PLA2G4C: variants seen among roughly 807,000 people sequenced by gnomAD.
PLA2G4C encodes the protein phospholipase A2 group IVC.
In PLA2G4C, 64 loss-of-function variants were observed where a neutral mutation model predicts 73.8. The ratio of observed to expected loss-of-function variants is 0.87; its 90% CI spans 0.71 to 1.07. The LOEUF is 1.07. Among genes scored for constraint, PLA2G4C ranks in the 50% least tolerant of loss-of-function variants. The pLI is 0.00. For missense variants in PLA2G4C, 622 were observed against 665.4 expected, an observed-to-expected ratio of 0.93 and a Z score of 0.72; for synonymous variants, 254 against 252.1, an observed-to-expected ratio of 1.01 and a Z score of -0.07.
Position 48,110,544 on chromosome 19 carries a change from G to GGTGCGGAGGCTTGGGCTCCGGAATCCC in PLA2G4C, c.-91_-90insGGGATTCCGGAGCCCAAGCCTCCGCAC. ...CGGTGGAGCTTGTGCTCCGGAATCCGGTGCGGAGGCTTGGGCTCCCTGCGC... is the reference window on the plus strand; with the variant it reads ...CGGTGGAGCTTGTGCTCCGGAATCCGGTGCGGAGGCTTGGGCTCCGGAATCCCGTGCGGAGGCTTGGGCTCCCTGCGC... On this transcript the variant is annotated 5_prime_UTR_variant, in exon 1 of 17. Transcript: ENST00000599921. 2.6e-6 allele frequency: 4 copies of GGTGCGGAGGCTTGGGCTCCGGAATCCC among 1,529,654 alleles called. No homozygotes were observed. Among genetic ancestry groups the GGTGCGGAGGCTTGGGCTCCGGAATCCC allele is most frequent in the Non-Finnish European group, 3.5e-6 (4 of 1,141,302 alleles). 94.8% of individuals were successfully genotyped at this position (1,529,654 alleles called of 1,614,324 possible).
intron 10 of PLA2G4C, 66 bp from the exon 11 acceptor site, chr19:48,077,890 T>G: frequency 7.7e-7 from 1 of 1,305,946 alleles, no homozygotes; most frequent in Non-Finnish European, 1.1e-6. Context: ...AAATACAGAT[T>G]ACCTGCAGCG....
intron 2 of PLA2G4C, among the ~76,000 whole-genome samples, chr19:48,105,790 C>A (rs13344824): frequency 0.12 from 10,994 of 90,952 alleles, 1,851 homozygotes; most frequent in African/African-American, 0.42. Flanking sequence ...TGACATACCT[C>A]CCTCCCTCCC....
At chr19:48,084,339 CA>C (rs1306902701) in intron 10 of PLA2G4C, among the ~76,000 whole-genome samples, 1 of 151,840 alleles carries the variant, frequency 6.6e-6, no homozygotes, top group African/African-American at 2.4e-5. Flanking sequence ...GGATTACAGG[CA>C]TGAGCCACTG....
chr19:48,110,569 C>T lies in PLA2G4C; in HGVS notation c.-115G>A, dbSNP rs998613295. ...GGTGCGGAGGCTTGGGCTCCCTGCG[C>T]TTAGCGGTGTAGTCGCTGGACAGCT... is the stretch of plus-strand genomic sequence containing the variant. On this transcript the variant is annotated 5_prime_UTR_variant, in exon 1 of 17. Coordinates refer to ENST00000599921, the MANE Select transcript of PLA2G4C (RefSeq NM_003706.3). 18 of 1,454,358 alleles carry T rather than the reference C, an allele frequency of 1.2e-5. No individual in the cohort carries two copies. Among genetic ancestry groups the T allele is most frequent in the Non-Finnish European group, 1.5e-5 (16 of 1,093,134 alleles). 90.1% of individuals were successfully genotyped at this position (1,454,358 alleles called of 1,614,324 possible). A position where few individuals can be genotyped will look rare whatever the true frequency, so the allele number is the denominator to read the frequency against.
At chr19:48,070,324 T>C (rs1184464987) in intron 12 of PLA2G4C, among the ~76,000 whole-genome samples, 1 of 152,204 alleles carries the variant, frequency 6.6e-6, no homozygotes, top group African/African-American at 2.4e-5. Flanking sequence ...AAGAAGATTA[T>C]TCTCAGTAAT....
intron 4 of PLA2G4C, among the ~76,000 whole-genome samples, chr19:48,101,147 A>G (rs937653176): frequency 1.6e-4 from 18 of 109,530 alleles, no homozygotes; most frequent in Non-Finnish European, 2.2e-4. Flanking sequence ...TTTTTTTGAG[A>G]CAGGTCTTGC....
rs1438838732 is a variant in PLA2G4C, at chr19:48,053,361, T to TTC, written c.1430-215_1430-214insGA. On this transcript the variant is annotated intron_variant, in intron 15 of 16. Coordinates refer to ENST00000599921, the MANE Select transcript of PLA2G4C (RefSeq NM_003706.3). ...TGATCCATGCCCCTTCCGGTCCTTT[T>TTC]TTCTTTTTTTTTTTTTTTTTTTTTT... 1.5e-3 allele frequency among the ~76,000 whole-genome samples: 204 copies of TTC among 133,464 alleles called. 2 individuals carry two copies. Among genetic ancestry groups the TTC allele is most frequent in the African/African-American group, 5.3e-3 (194 of 36,388 alleles). The allele number at this position is 133,464 out of a possible 152,430, so 87.6% of individuals were successfully genotyped here.
chr19:48,092,240 G>A (rs138593301), intron 7 of PLA2G4C, among the ~76,000 whole-genome samples: 2,575 of 152,094 alleles, frequency 0.017, 84 homozygotes, highest in African/African-American at 0.058. Context: ...GTAGAGATGG[G>A]GTTTCACCAT....
At chr19:48,099,363 C>G (rs1461140845) in intron 5 of PLA2G4C, among the ~76,000 whole-genome samples, 1 of 152,128 alleles carries the variant, frequency 6.6e-6, no homozygotes, top group Non-Finnish European at 1.5e-5. Flanking sequence ...TGACACTTTC[C>G]CTATTTCTGC....
At chr19:48,089,642 G>A (rs1186390360) in intron 8 of PLA2G4C, among the ~76,000 whole-genome samples, 1 of 152,118 alleles carries the variant, frequency 6.6e-6, no homozygotes. Context: ...TCAAATATAC[G>A]AGACTGCGAC....
At chr19:48,102,803 T>C (rs1724589142) in intron 4 of PLA2G4C, among the ~76,000 whole-genome samples, 2 of 152,236 alleles carry the variant, frequency 1.3e-5, no homozygotes, top group South Asian at 4.1e-4. Context: ...TTGACCGTTC[T>C]GCAGTTATAT....
At chr19:48,101,293 G>C (rs182495261) in intron 4 of PLA2G4C, among the ~76,000 whole-genome samples, 1 of 151,178 alleles carries the variant, frequency 6.6e-6, no homozygotes, top group East Asian at 2.0e-4. Context: ...ACCATGCCCT[G>C]CTCATTTTTA....
chr19:48,079,416 G>A (rs964680586), intron 10 of PLA2G4C, among the ~76,000 whole-genome samples: 1 of 152,178 alleles, frequency 6.6e-6, no homozygotes, highest in Middle Eastern at 3.4e-3. Context: ...AACATAAAGT[G>A]GGGGAAAGGA....
chr19:48,090,216 C>A, intron 8 of PLA2G4C, 148 bp downstream of exon 8: 1 of 665,786 alleles, frequency 1.5e-6, no homozygotes, highest in East Asian at 2.6e-5. Context: ...TCCTGGCTGC[C>A]CAATTATATG....
intron 16 of PLA2G4C, among the ~76,000 whole-genome samples, chr19:48,051,453 T>C (rs966212653): frequency 6.6e-5 from 10 of 152,084 alleles, no homozygotes; most frequent in African/African-American, 2.4e-5. Context: ...GTAGTTGTGG[T>C]TTTTGCCATT....
At chr19:48,051,482 G>A (rs142049719) in intron 16 of PLA2G4C, among the ~76,000 whole-genome samples, 20 of 152,256 alleles carry the variant, frequency 1.3e-4, no homozygotes, top group African/African-American at 4.6e-4. Flanking sequence ...TTGCAAAACC[G>A]CAATTACTTT....
chr19:48,088,600 G>A, intron 9 of PLA2G4C, 86 bp downstream of exon 9: 3 of 900,948 alleles, frequency 3.3e-6, no homozygotes, highest in South Asian at 2.7e-5. Context: ...AATCATACAT[G>A]TAATGTTCCT....
At chr19:48,097,496 C>T (rs556274120) in intron 6 of PLA2G4C, among the ~76,000 whole-genome samples, 17 of 151,936 alleles carry the variant, frequency 1.1e-4, no homozygotes, top group African/African-American at 3.9e-4. Context: ...TCGTGATCCA[C>T]CCGCCTCGGC....
chr19:48,105,316 C>T lies in PLA2G4C; in HGVS notation c.120+17G>A. Reference sequence around the variant, plus strand: ...CGATTCTGGGATCTCTGGGGCCACCCTCCTCCCCTCACTTACCTCATCAGC... The same window carrying T: ...CGATTCTGGGATCTCTGGGGCCACCTTCCTCCCCTCACTTACCTCATCAGC... On this transcript the variant is annotated intron_variant, in intron 3 of 16. Coordinates refer to ENST00000599921, the MANE Select transcript of PLA2G4C (RefSeq NM_003706.3). 6.4e-7 allele frequency: 1 copy of T among 1,566,500 alleles called. No homozygotes were observed. The highest frequency in any genetic ancestry group is 8.8e-7 in the Non-Finnish European group (1 of 1,141,900).
Sources: allele counts gnomAD v4.1 joint callset (sites outside exome capture counted in the v4.1 genomes callset), GRCh38; gene constraint gnomAD v4.1.1; transcripts MANE v1.5; gene names NCBI Gene and HGNC (gene_info 2026-07-23, HGNC 2026-07-21).